Variants in CELF2 observed in about 807,000 individuals in gnomAD.
CELF2 encodes the protein CUG triplet repeat RNA-binding protein 2.
CELF2 carries 8 observed loss-of-function variants against 62.6 expected under a neutral mutation model. The observed-to-expected ratio is 0.13, with a 90% CI of 0.07 to 0.23. CELF2 has a LOEUF of 0.23. Among genes scored for constraint, CELF2 ranks in the 10% least tolerant of loss-of-function variants. CELF2 has a pLI of 1.00. For missense variants in CELF2, 333 were observed against 671.0 expected (o/e 0.50, Z 5.56); for synonymous variants, 258 against 250.0 (o/e 1.03, Z -0.30).
the CELF2 span, among the ~76,000 whole-genome samples, chr10:10,736,880 C>T: frequency 5.3e-5 from 8 of 152,048 alleles, no homozygotes; most frequent in Non-Finnish European, 8.8e-5. Context: ...ATACGATTTC[C>T]TAATACTGTA....
At chr10:11,286,405 G>A (rs940251345) in intron 8 of CELF2, among the ~76,000 whole-genome samples, 9 of 152,254 alleles carry the variant, frequency 5.9e-5, no homozygotes, top group Admixed American at 3.9e-4. Context: ...CATGGTTCAC[G>A]TTAGAGGAAG....
intron 1 of CELF2, among the ~76,000 whole-genome samples, chr10:10,801,553 GA>G (rs951997125): frequency 2.0e-5 from 3 of 152,186 alleles, no homozygotes; most frequent in African/African-American, 7.2e-5. Flanking sequence ...TCTGTGATCT[GA>G]GTTATGTCAA....
chr10:11,110,239 A>G lies in CELF2; in HGVS notation c.75-55247A>G, dbSNP rs146195328. Among the ~76,000 whole-genome samples, 187 of 151,920 alleles carry G rather than the reference A, an allele frequency of 1.2e-3. 2 individuals carry two copies. The highest frequency in any genetic ancestry group is 1.1e-3 in the Non-Finnish European group (77 of 67,962). On this transcript the variant is annotated intron_variant, in intron 1 of 12. Transcript: ENST00000633077. The surrounding 1 kb of genome is among the most constrained non-coding windows in gnomAD (Gnocchi z 4.0). ...CATGGAACCCTGAACGTCCTACCGC[A>G]CTCCAGCATGGGCGACAGAGCAAGA... is the stretch of plus-strand genomic sequence containing the variant.
Position 11,297,234 on chromosome 10 carries a change from A to G in CELF2, c.976+8682A>G, listed in dbSNP as rs565491978. On this transcript the variant is annotated intron_variant, in intron 9 of 12. Transcript: ENST00000633077. The surrounding 1 kb of genome is among the most constrained non-coding windows in gnomAD (Gnocchi z 4.4). ...TGGCACATGGAGAGCTCAAGTGCAC[A>G]TGAACGGACATTCCGTGAAATGTGT... is the stretch of plus-strand genomic sequence containing the variant. 9.8e-5 allele frequency among the ~76,000 whole-genome samples: 15 copies of G among 152,338 alleles called. No homozygotes were observed. The highest frequency in any genetic ancestry group is 8.3e-4 in the South Asian group (4 of 4,830).
rs1459216292 is a variant in CELF2, at chr10:11,335,680, G to T, written c.*6627G>T. On this transcript the variant is annotated 3_prime_UTR_variant, in exon 13 of 13. Transcript: ENST00000633077. The surrounding 1 kb of genome is among the most constrained non-coding windows in gnomAD (Gnocchi z 5.0). ...CACACTGCCTACGTTAGTGGGAAAGGATGGCTAAGGGTGTGATTTCTTTTT... is the reference window on the plus strand; with the variant it reads ...CACACTGCCTACGTTAGTGGGAAAGTATGGCTAAGGGTGTGATTTCTTTTT... 6.6e-6 allele frequency: 1 copy of T among 152,160 alleles called. No homozygotes were observed. The highest frequency in any genetic ancestry group is 6.5e-5 in the Admixed American group (1 of 15,290). The allele number at this position is 152,160 out of a possible 1,614,324, so 9.4% of individuals were successfully genotyped here. A position where few individuals can be genotyped will look rare whatever the true frequency, so the allele number is the denominator to read the frequency against.
At chr10:10,807,132 CT>C (rs2055321548) in intron 1 of CELF2, among the ~76,000 whole-genome samples, 1 of 152,210 alleles carries the variant, frequency 6.6e-6, no homozygotes, top group Non-Finnish European at 1.5e-5. Context: ...TCCTATTGGA[CT>C]TTCAAAAGCC....
the CELF2 span, among the ~76,000 whole-genome samples, chr10:10,507,674 G>A: frequency 6.6e-6 from 1 of 152,302 alleles, no homozygotes; most frequent in South Asian, 2.1e-4. Flanking sequence ...ATGGAAAGGA[G>A]AGGAATTTGT....
At chr10:11,282,449 C>T (rs1306097883) in intron 8 of CELF2, among the ~76,000 whole-genome samples, 1 of 152,204 alleles carries the variant, frequency 6.6e-6, no homozygotes, top group Admixed American at 6.5e-5. Context: ...ATGCCCACAC[C>T]ACGTGGATGT....
intron 1 of CELF2, among the ~76,000 whole-genome samples, chr10:10,855,510 T>C (rs1264532556): frequency 1.3e-5 from 2 of 152,208 alleles, no homozygotes; most frequent in Non-Finnish European, 2.9e-5. Flanking sequence ...TTTAATCCTT[T>C]CATATCACTG....
chr10:11,136,535 C>A (rs1334028530), intron 1 of CELF2, among the ~76,000 whole-genome samples: 1 of 152,080 alleles, frequency 6.6e-6, no homozygotes, highest in South Asian at 2.1e-4. Context: ...ACCTGGGAGG[C>A]GGAGGTTGCA....
chr10:10,606,555 TACC>T, the CELF2 span, among the ~76,000 whole-genome samples: 24 of 152,188 alleles, frequency 1.6e-4, no homozygotes, highest in Non-Finnish European at 3.1e-4. Context: ...TTTCACAAGT[TACC>T]AGTAGCTGTT....
the CELF2 span, among the ~76,000 whole-genome samples, chr10:10,645,804 A>G: frequency 5.3e-5 from 8 of 152,336 alleles, no homozygotes; most frequent in East Asian, 1.5e-3. Flanking sequence ...AGATTGACAA[A>G]TGATTGAAGG....
chr10:10,513,580 G>A, the CELF2 span, among the ~76,000 whole-genome samples: 1 of 151,674 alleles, frequency 6.6e-6, no homozygotes, highest in Non-Finnish European at 1.5e-5. Context: ...TTTATCCCAG[G>A]GCTTCAAGAT....
chr10:10,470,496 C>A, the CELF2 span, among the ~76,000 whole-genome samples: 1 of 151,766 alleles, frequency 6.6e-6, no homozygotes, highest in African/African-American at 2.4e-5. Context: ...ACTCAGATCC[C>A]TGTTTCTTGG....
chr10:10,591,549 T>C, the CELF2 span, among the ~76,000 whole-genome samples: 1 of 152,162 alleles, frequency 6.6e-6, no homozygotes, highest in African/African-American at 2.4e-5. Flanking sequence ...TTAGATTTCT[T>C]TATTTTGTAA....
the CELF2 span, among the ~76,000 whole-genome samples, chr10:10,560,721 C>A: frequency 6.6e-6 from 1 of 152,152 alleles, no homozygotes. Flanking sequence ...TACTTGTACA[C>A]GCATGTTTAT....
At chr10:11,119,690 T>C (rs1244443044) in intron 1 of CELF2, among the ~76,000 whole-genome samples, 5 of 152,068 alleles carry the variant, frequency 3.3e-5, no homozygotes, top group Non-Finnish European at 7.4e-5. Flanking sequence ...AACATACAAA[T>C]AGACTTTTCA....
At chr10:10,780,774 C>T in the CELF2 span, among the ~76,000 whole-genome samples, 2 of 152,086 alleles carry the variant, frequency 1.3e-5, no homozygotes, top group South Asian at 2.1e-4. Context: ...CCACTGCGCC[C>T]GGCAAACAGG....
chr10:11,125,218 G>A (rs1369819702), intron 1 of CELF2, among the ~76,000 whole-genome samples: 3 of 152,060 alleles, frequency 2.0e-5, no homozygotes, highest in South Asian at 4.1e-4. Context: ...AAACAGCAGG[G>A]GCCATACAAA....
Sources: allele counts gnomAD v4.1 joint callset (sites outside exome capture counted in the v4.1 genomes callset), GRCh38; gene constraint gnomAD v4.1.1; non-coding constraint Gnocchi (gnomAD v3.1); transcripts MANE v1.5; gene names NCBI Gene and HGNC (gene_info 2026-07-23, HGNC 2026-07-21).